Variants in SYT1 observed in about 807,000 individuals in gnomAD.
SYT1 encodes the protein synaptotagmin 1.
Under a neutral mutation model 44.8 loss-of-function variants are expected in SYT1, and 8 were observed. That is an observed-to-expected ratio of 0.18 (90% CI 0.10 to 0.32). The LOEUF (loss-of-function observed/expected upper bound fraction) is 0.32, where lower values mean the gene tolerates loss of function less well. Ranked by LOEUF, SYT1 falls within the 10% of genes least tolerant of loss-of-function variation. SYT1 has a pLI of 1.00. For missense variants in SYT1, 286 were observed against 509.3 expected, an observed-to-expected ratio of 0.56 and a Z score of 4.22; for synonymous variants, 154 against 188.8, an observed-to-expected ratio of 0.82 and a Z score of 1.51.
At chr12:79,444,334 G>A in intron 10 of SYT1, 128 bp downstream of exon 10, 1 of 1,169,244 alleles carries the variant, frequency 8.6e-7, no homozygotes, top group Admixed American at 2.3e-5. Flanking sequence ...TTCTCCCCAT[G>A]CACATTTGAT....
chr12:79,323,823 A>T (rs577136974), intron 8 of SYT1, among the ~76,000 whole-genome samples: 5 of 150,888 alleles, frequency 3.3e-5, no homozygotes, highest in African/African-American at 1.2e-4. Flanking sequence ...TATATAAATT[A>T]TATATATATG....
rs546094243 is a variant in SYT1 at position 78,908,530 on chromosome 12, A to G, written c.-217+43421A>G. On this transcript the variant is annotated intron_variant, in intron 1 of 10. Transcript: ENST00000261205. Reference sequence around the variant, plus strand: ...ACAATATAAAACTGAACAGAACTCAACAGTTCACTCTTAGAGCAGAATCTG... The same window carrying G: ...ACAATATAAAACTGAACAGAACTCAGCAGTTCACTCTTAGAGCAGAATCTG... Among the ~76,000 whole-genome samples, 17 of 152,024 alleles carry G rather than the reference A, an allele frequency of 1.1e-4. 1 individual carries two copies. The South Asian group carries it at 2.3e-3, about 20-fold the overall frequency.
intron 9 of SYT1, among the ~76,000 whole-genome samples, chr12:79,360,347 T>C (rs1565925183): frequency 6.6e-6 from 1 of 152,214 alleles, no homozygotes; most frequent in Non-Finnish European, 1.5e-5. Flanking sequence ...TCTTTTTTTC[T>C]TGAGTCTCCT....
intron 1 of SYT1, among the ~76,000 whole-genome samples, chr12:78,950,468 A>G (rs1878904567): frequency 6.6e-6 from 1 of 152,130 alleles, no homozygotes; most frequent in African/African-American, 2.4e-5. Context: ...TTTCTGTGGA[A>G]TATATAGGAA....
intron 1 of SYT1, among the ~76,000 whole-genome samples, chr12:78,965,700 A>G (rs1879732160): frequency 6.6e-6 from 1 of 152,126 alleles, no homozygotes; most frequent in Non-Finnish European, 1.5e-5. Context: ...TTGAGCCAAG[A>G]TCGGTCTCCA....
intron 5 of SYT1, among the ~76,000 whole-genome samples, chr12:79,287,389 T>C (rs1879363759): frequency 6.6e-6 from 1 of 152,188 alleles, no homozygotes; most frequent in Admixed American, 6.5e-5. Context: ...AACTAAAATT[T>C]CCAGGCATGT....
chr12:79,205,453 A>G (rs983854306), intron 3 of SYT1, among the ~76,000 whole-genome samples: 5 of 152,180 alleles, frequency 3.3e-5, no homozygotes, highest in Non-Finnish European at 7.4e-5. Context: ...TGAAACTGCA[A>G]TGATATTTTA....
At chr12:79,034,375 A>T (rs1179991491) in intron 2 of SYT1, among the ~76,000 whole-genome samples, 1 of 151,602 alleles carries the variant, frequency 6.6e-6, no homozygotes, top group African/African-American at 2.4e-5. Flanking sequence ...TATGAAGGTA[A>T]TATATCTAAT....
intron 4 of SYT1, among the ~76,000 whole-genome samples, chr12:79,240,500 A>G (rs149546673): frequency 6.6e-6 from 1 of 152,216 alleles, no homozygotes; most frequent in South Asian, 2.1e-4. Flanking sequence ...AAGCTATATC[A>G]GTTCACTATT....
chr12:78,966,833 T>A (rs1337543016), intron 1 of SYT1, among the ~76,000 whole-genome samples: 2 of 152,148 alleles, frequency 1.3e-5, no homozygotes, highest in Non-Finnish European at 2.9e-5. Flanking sequence ...CAAAAATAGA[T>A]AAATTTAAGA....
intron 1 of SYT1, among the ~76,000 whole-genome samples, chr12:78,876,813 C>T (rs1427863573): frequency 0.024 from 142 of 5,916 alleles, no homozygotes; most frequent in African/African-American, 0.045. Context: ...ATATGTAATA[C>T]ATATCATATA....
rs542770770 is a variant in SYT1 at position 79,251,613 on chromosome 12, A to G, written c.166+33928A>G. 5.9e-5 allele frequency among the ~76,000 whole-genome samples: 9 copies of G among 152,308 alleles called. No homozygotes were observed. The East Asian group carries it at 1.5e-3, about 26-fold the overall frequency. ...CGCCTGAATGCATTGTCTGAGGTTTATAACTTCTATTTATAGAAGTTCAGC... is the reference window on the plus strand; with the variant it reads ...CGCCTGAATGCATTGTCTGAGGTTTGTAACTTCTATTTATAGAAGTTCAGC... On this transcript the variant is annotated intron_variant, in intron 4 of 10. Coordinates refer to ENST00000261205, the MANE Select transcript of SYT1 (RefSeq NM_005639.3).
At chr12:79,179,367 G>GATATATCTATATCGAT (rs1565841992) in intron 3 of SYT1, among the ~76,000 whole-genome samples, 31 of 2,180 alleles carry the variant, frequency 0.014, 5 homozygotes, top group African/African-American at 0.033. Flanking sequence ...TATAGATATA[G>GATATATCTATATCGAT]ATATAGATAT....
At position 79,061,753 on chromosome 12, in the gene SYT1, T is replaced by C. The variant is rs188224841; in HGVS notation, c.-18+14391T>C. On this transcript the variant is annotated intron_variant, in intron 3 of 10. Transcript: ENST00000261205. ...CTTACATGACTTCCTTCCATGCTGG[T>C]TTTCCATTTTAATTAGTAAAGAATT... is the stretch of plus-strand genomic sequence containing the variant. Among the ~76,000 whole-genome samples, 31 of 152,272 alleles carry C rather than the reference T, an allele frequency of 2.0e-4. 1 individual carries two copies. In the East Asian group the frequency reaches 6.0e-3, roughly 29 times the overall value.
At chr12:79,117,664 TA>T (rs1165319747) in intron 3 of SYT1, among the ~76,000 whole-genome samples, 5 of 6,426 alleles carry the variant, frequency 7.8e-4, no homozygotes, top group African/African-American at 1.4e-3. Flanking sequence ...TATTACATCA[TA>T]TATATATATA....
At chr12:79,393,643 G>A (rs1354115105) in intron 9 of SYT1, 1 of 152,096 alleles carries the variant, frequency 6.6e-6, no homozygotes, top group Non-Finnish European at 1.5e-5. Flanking sequence ...CCCACTTTTT[G>A]ATGGGATTGT....
At chr12:79,438,435 A>G (rs1464524782) in intron 9 of SYT1, among the ~76,000 whole-genome samples, 1 of 152,146 alleles carries the variant, frequency 6.6e-6, no homozygotes, top group East Asian at 1.9e-4. Flanking sequence ...GCTGGAAGGA[A>G]CCCTTCAGAA....
chr12:79,156,539 C>T (rs1266868955), intron 3 of SYT1, among the ~76,000 whole-genome samples: 2 of 152,058 alleles, frequency 1.3e-5, no homozygotes, highest in Non-Finnish European at 2.9e-5. Flanking sequence ...ATGATCTCAG[C>T]TCACTGCAAC....
intron 3 of SYT1, among the ~76,000 whole-genome samples, chr12:79,118,575 A>C (rs1267131893): frequency 6.6e-6 from 1 of 152,232 alleles, no homozygotes; most frequent in Non-Finnish European, 1.5e-5. Context: ...AAACAGCACT[A>C]GTATAGAAAT....
Sources: gnomAD v4.1 joint callset for allele counts (sites outside exome capture counted in the v4.1 genomes callset) on GRCh38, gnomAD v4.1.1 for gene constraint, MANE v1.5 for transcripts, NCBI Gene and HGNC (gene_info 2026-07-23, HGNC 2026-07-21) for gene names.